The following DAB1 variants were observed in gnomAD, a reference collection of about 807,000 sequenced individuals.
DAB1 encodes the protein DAB adaptor protein 1.
DAB1 carries 15 observed loss-of-function variants against 64.6 expected under a neutral mutation model. The ratio of observed to expected loss-of-function variants is 0.23; its 90% confidence interval spans 0.16 to 0.36. The LOEUF is 0.36. Ranked by LOEUF, DAB1 falls within the 10% of genes least tolerant of loss-of-function variation. DAB1 has a pLI of 1.00. For missense variants in DAB1, 596 were observed against 706.7 expected (o/e 0.84, Z 1.78); for synonymous variants, 235 against 251.9 (o/e 0.93, Z 0.64).
chr1:58,228,764 G>A, intron 4 of DAB1: 1 of 898,412 alleles, frequency 1.1e-6, no homozygotes, highest in South Asian at 1.3e-5. Flanking sequence ...TGGCATAGGT[G>A]GTTATGCAAA....
At chr1:57,892,192 G>A (rs989879603) in intron 5 of DAB1, among the ~76,000 whole-genome samples, 3 of 152,106 alleles carry the variant, frequency 2.0e-5, no homozygotes, top group African/African-American at 7.2e-5. Flanking sequence ...GTAGTTTAGA[G>A]AATCGTCCCA....
chr1:58,027,460 A>T (rs1212824287), intron 5 of DAB1, among the ~76,000 whole-genome samples: 1 of 152,168 alleles, frequency 6.6e-6, no homozygotes, highest in Non-Finnish European at 1.5e-5. Context: ...TCAGTGGCTG[A>T]CTTGTTTCTT....
intron 9 of DAB1, among the ~76,000 whole-genome samples, chr1:57,037,116 C>T (rs1002439054): frequency 3.3e-5 from 5 of 152,138 alleles, no homozygotes; most frequent in Non-Finnish European, 7.4e-5. Context: ...AGGGTGGGGC[C>T]CTGGCATCAG....
At chr1:57,750,501 T>A (rs1648502487) in intron 6 of DAB1, among the ~76,000 whole-genome samples, 2 of 152,170 alleles carry the variant, frequency 1.3e-5, no homozygotes, top group African/African-American at 4.8e-5. Context: ...TCCAGATAAA[T>A]CCTACTTCAC....
intron 5 of DAB1, among the ~76,000 whole-genome samples, chr1:58,103,309 T>C (rs1184962158): frequency 2.0e-5 from 3 of 152,106 alleles, no homozygotes; most frequent in Non-Finnish European, 2.9e-5. Flanking sequence ...CCAGTGATTA[T>C]CTAGTACACA....
chr1:57,162,845 A>G (rs1660885137), intron 2 of DAB1, among the ~76,000 whole-genome samples: 1 of 152,226 alleles, frequency 6.6e-6, no homozygotes, highest in Non-Finnish European at 1.5e-5. Flanking sequence ...GAGAGTGCAA[A>G]TCAATTATTT....
intron 7 of DAB1, among the ~76,000 whole-genome samples, chr1:57,581,511 C>T (rs913004288): frequency 5.3e-5 from 8 of 151,862 alleles, no homozygotes; most frequent in African/African-American, 1.7e-4. Flanking sequence ...GCTGAGTGAC[C>T]GGACAAAATA....
chr1:58,212,006 C>G (rs1658575831), intron 4 of DAB1, among the ~76,000 whole-genome samples: 1 of 152,130 alleles, frequency 6.6e-6, no homozygotes, highest in Non-Finnish European at 1.5e-5. Context: ...TCCCCAGATC[C>G]CACTCCAAAC....
intron 1 of DAB1, among the ~76,000 whole-genome samples, chr1:57,390,723 G>C (rs1682276731): frequency 6.6e-6 from 1 of 152,180 alleles, no homozygotes; most frequent in African/African-American, 2.4e-5. Context: ...AGCCAGTTCT[G>C]ACCCGTTTTC....
At chr1:58,366,573 A>G (rs1644219831) in intron 3 of DAB1, among the ~76,000 whole-genome samples, 1 of 152,224 alleles carries the variant, frequency 6.6e-6, no homozygotes, top group South Asian at 2.1e-4. Context: ...AGAGTGAAAT[A>G]GGAGTGGATG....
intron 5 of DAB1, among the ~76,000 whole-genome samples, chr1:58,013,114 A>T (rs1371135604): frequency 6.6e-6 from 1 of 152,180 alleles, no homozygotes; most frequent in African/African-American, 2.4e-5. Context: ...CTCTCATGGC[A>T]CAGTCTCGTC....
At chr1:58,212,260 TGC>T (rs1426974070) in intron 4 of DAB1, among the ~76,000 whole-genome samples, 1 of 152,212 alleles carries the variant, frequency 6.6e-6, no homozygotes, top group Non-Finnish European at 1.5e-5. Context: ...CTATACTATG[TGC>T]TTTATATGGA....
intron 4 of DAB1, among the ~76,000 whole-genome samples, chr1:58,241,838 T>A (rs1220466689): frequency 6.6e-6 from 1 of 152,026 alleles, no homozygotes; most frequent in South Asian, 2.1e-4. Context: ...GGCAAGGATA[T>A]GGGGAAGATG....
intron 6 of DAB1, among the ~76,000 whole-genome samples, chr1:57,718,432 A>T (rs985076684): frequency 6.6e-6 from 1 of 152,156 alleles, no homozygotes; most frequent in East Asian, 1.9e-4. Flanking sequence ...TTTCAGGATA[A>T]CTATTCACTT....
At chr1:57,438,313 A>G (rs568533893) in intron 7 of DAB1, among the ~76,000 whole-genome samples, 1 of 152,278 alleles carries the variant, frequency 6.6e-6, no homozygotes, top group Admixed American at 6.5e-5. Flanking sequence ...AGGCGTTCAT[A>G]CTGAGAGCTA....
chr1:57,888,457 GT>G (rs562609165), upstream of DAB1, among the ~76,000 whole-genome samples: 6 of 152,142 alleles, frequency 3.9e-5, no homozygotes, highest in South Asian at 1.2e-3. Context: ...TGGTCTCTTT[GT>G]TCCCAATTTA....
chr1:58,247,302 G>T (rs1244569505), intron 4 of DAB1, among the ~76,000 whole-genome samples: 3 of 146,236 alleles, frequency 2.1e-5, no homozygotes, highest in African/African-American at 7.8e-5. Context: ...ATACATGACT[G>T]TAGAAGTTGT....
intron 11 of DAB1, among the ~76,000 whole-genome samples, chr1:57,017,335 G>A (rs1038000500): frequency 1.3e-5 from 2 of 152,182 alleles, no homozygotes; most frequent in African/African-American, 2.4e-5. Context: ...GAAAAAAAGA[G>A]GAATGGATGC....
At chr1:57,942,971 C>T (rs1430152429) in intron 5 of DAB1, among the ~76,000 whole-genome samples, 1 of 152,122 alleles carries the variant, frequency 6.6e-6, no homozygotes, top group Non-Finnish European at 1.5e-5. Context: ...TTACAAACAC[C>T]ATGCATGGCA....
Sources: gnomAD v4.1 joint callset for allele counts (sites outside exome capture counted in the v4.1 genomes callset) on GRCh38, gnomAD v4.1.1 for gene constraint, MANE v1.5 for transcripts, NCBI Gene and HGNC (gene_info 2026-07-23, HGNC 2026-07-21) for gene names.